Variants in ADAMTS10 observed in about 807,000 individuals in gnomAD.
ADAMTS10 encodes the protein A disintegrin and metalloproteinase with thrombospondin motifs 10.
ADAMTS10 carries 48 observed loss-of-function variants against 135.9 expected under a neutral mutation model. The ratio of observed to expected loss-of-function variants is 0.35; its 90% CI spans 0.28 to 0.45. The LOEUF is 0.45. ADAMTS10 is among the 20% of genes least tolerant of loss of function. ADAMTS10 has a pLI of 1.00. For missense variants in ADAMTS10, 1,131 were observed against 1,565.2 expected (o/e 0.72, Z 4.68); for synonymous variants, 621 against 647.5 (o/e 0.96, Z 0.62).
At chr19:8,587,088 G>A (rs1298063220) in intron 18 of ADAMTS10, among the ~76,000 whole-genome samples, 192 bp from the exon 19 acceptor site, 1 of 152,180 alleles carries the variant, frequency 6.6e-6, no homozygotes, top group Non-Finnish European at 1.5e-5. Flanking sequence ...CTGAGGCTCA[G>A]AGAAGCTAAG....
At chr19:8,606,288 C>T (rs1600122432) in intron 2 of ADAMTS10, among the ~76,000 whole-genome samples, 1 of 152,286 alleles carries the variant, frequency 6.6e-6, no homozygotes, top group East Asian at 1.9e-4. Flanking sequence ...ATCTTGAACT[C>T]CTGGCCTCAA....
Position 8,597,312 on chromosome 19 carries a change from G to T in ADAMTS10, c.816C>A (p.Ala272=), listed in dbSNP as rs1381243151. 6 of 1,613,780 alleles carry T rather than the reference G, an allele frequency of 3.7e-6. No homozygotes were observed. The highest frequency in any genetic ancestry group is 5.1e-6 in the Non-Finnish European group (6 of 1,179,912). The change falls in exon 7 of 26, where the codon GCC becomes GCA. Residue 272 remains alanine, a synonymous_variant. Coordinates refer to ENST00000597188, the MANE Select transcript of ADAMTS10 (RefSeq NM_030957.4). ...QYVLAIMNIV[A]KLFQDSSLGS... ...CCAGACTCGAGTCCTGGAAAAGTTT[G>T]GCAACCTGACCTCCAAGAAACAAGA...
intron 18 of ADAMTS10, among the ~76,000 whole-genome samples, chr19:8,587,333 C>CTTTTTTTTTTTTTTT (rs559435857): frequency 3.9e-5 from 3 of 77,452 alleles, no homozygotes; most frequent in African/African-American, 5.2e-5. Context: ...ACTAAAAAAC[C>CTTTTTTTTTTTTTTT]TTTTTTTTTT....
Position 8,586,862 on chromosome 19 carries a change from G to C in ADAMTS10, c.2193C>G (p.Ser731=), listed in dbSNP as rs148379435. 1 of 1,614,074 alleles carries C rather than the reference G, an allele frequency of 6.2e-7. No homozygotes were observed. Among genetic ancestry groups the C allele is most frequent in the Non-Finnish European group, 8.5e-7 (1 of 1,180,054 alleles). The change falls in exon 19 of 26, where the codon TCC becomes TCG. Residue 731 remains serine, a synonymous_variant. Transcript: ENST00000597188. ...YEDVVWIPKG[S]VHIFIQDLNL... is the part of the protein sequence containing the mutation. ...TCAGATCCTGGATGAAGATGTGGAC[G>C]GAGCCTTTGGGAATCCAGACGACAT...
chr19:8,586,545 G>T lies in ADAMTS10; in HGVS notation c.2403+13C>A, dbSNP rs997363428. 6.2e-7 allele frequency: 1 copy of T among 1,613,332 alleles called. No homozygotes were observed. Among genetic ancestry groups the T allele is most frequent in the East Asian group, 2.2e-5 (1 of 44,880 alleles). ...TTCCAAAGGCTGCACCTTGCCCCCA[G>T]TCTCCCTGTTACCATGACGATGAGA... On this transcript the variant is annotated intron_variant, in intron 20 of 25. Coordinates refer to ENST00000597188, the MANE Select transcript of ADAMTS10 (RefSeq NM_030957.4).
At chr19:8,595,571 C>T in intron 12 of ADAMTS10, 191 bp downstream of exon 12, 1 of 851,992 alleles carries the variant, frequency 1.2e-6, no homozygotes, top group Non-Finnish European at 1.8e-6. Flanking sequence ...CAAGCACTGT[C>T]TGATTGCTTA....
intron 25 of ADAMTS10, among the ~76,000 whole-genome samples, chr19:8,584,017 T>A (rs1374973290): frequency 6.7e-6 from 1 of 148,748 alleles, no homozygotes; most frequent in Non-Finnish European, 1.5e-5. Flanking sequence ...ATTAGCTGGG[T>A]GTGGTGGCGG....
chr19:8,605,549 T>A lies in ADAMTS10; in HGVS notation c.88+74A>T. The A allele has an allele frequency of 4.0e-6, 5 of 1,259,024 alleles. No homozygotes were observed. The highest frequency in any genetic ancestry group is 5.5e-6 in the Non-Finnish European group (5 of 912,642). 78.0% of individuals were successfully genotyped at this position (1,259,024 alleles called of 1,614,324 possible). The stretch of plus-strand genomic sequence containing the variant: ...ACCCCCATCCCAGCCCCCTGATGCC[T>A]CTTTCTGTTGGAGCCCAACTGGTCT... On this transcript the variant is annotated intron_variant, in intron 3 of 25. Coordinates refer to ENST00000597188, the MANE Select transcript of ADAMTS10 (RefSeq NM_030957.4). The surrounding 1 kb of genome is among the most constrained non-coding windows in gnomAD (Gnocchi z 7.7).
intron 13 of ADAMTS10, 51 bp from the exon 14 acceptor site, chr19:8,592,154 C>T (rs782147933): frequency 5.6e-6 from 9 of 1,612,656 alleles, no homozygotes; most frequent in Middle Eastern, 1.7e-4. Context: ...GGACACTCGT[C>T]GGCCCCATGC....
In ADAMTS10 at chr19:8,580,582, T is replaced by C. The variant is rs1045796093; in HGVS notation, c.*311A>G. 32 of 355,142 alleles carry C rather than the reference T, an allele frequency of 9.0e-5. No homozygotes were observed. The highest frequency in any genetic ancestry group is 1.3e-4 in the Non-Finnish European group (23 of 183,478). The allele number at this position is 355,142 out of a possible 1,614,324, so 22.0% of individuals were successfully genotyped here. A position where few individuals can be genotyped will look rare whatever the true frequency, so the allele number is the denominator to read the frequency against. On this transcript the variant is annotated 3_prime_UTR_variant, in exon 26 of 26. Transcript: ENST00000597188. ...TTCCGATCAAAGGAGGGGGGGAGTG[T>C]TGGGGACTCCCTAAGGGTGGGTTCA... is the stretch of plus-strand genomic sequence containing the variant.
intron 12 of ADAMTS10, 54 bp downstream of exon 12, chr19:8,595,702 TCCCCCA>T: frequency 5.6e-4 from 500 of 893,466 alleles, no homozygotes; most frequent in Non-Finnish European, 7.6e-4. Flanking sequence ...TGGAGTTCCC[TCCCCCA>T]GCCCCAGCGG....
intron 12 of ADAMTS10, 64 bp downstream of exon 12, chr19:8,595,698 T>TGCCACCCCC: frequency 7.7e-7 from 1 of 1,291,944 alleles, no homozygotes. Flanking sequence ...CTGGTGGAGT[T>TGCCACCCCC]CCCTCCCCCA....
chr19:8,596,721 G>A lies in ADAMTS10; in HGVS notation c.1041-136C>T, dbSNP rs2042609775. 1 of 1,154,356 alleles carries A rather than the reference G, an allele frequency of 8.7e-7. No individual in the cohort carries two copies. 71.5% of individuals were successfully genotyped at this position (1,154,356 alleles called of 1,614,324 possible). ...CTCTCACCTGAAGCTGCATACAGGA[G>A]TGACTGACCACATGAATGAATGAAT... On this transcript the variant is annotated intron_variant, in intron 8 of 25. Transcript: ENST00000597188. This position sits in a 1 kb window ranked among gnomAD's most constrained non-coding sequence, Gnocchi z 7.2.
intron 18 of ADAMTS10, 66 bp downstream of exon 18, chr19:8,589,176 G>A (rs2042481919): frequency 6.2e-7 from 1 of 1,606,652 alleles, no homozygotes; most frequent in East Asian, 2.2e-5. Context: ...ACTGCACTGG[G>A]ATCAGTTCCA....
At chr19:8,597,536 C>A (rs567909191) in intron 6 of ADAMTS10, among the ~76,000 whole-genome samples, 1 of 152,100 alleles carries the variant, frequency 6.6e-6, no homozygotes. Flanking sequence ...CTCAAGTGAT[C>A]CTCCTGCCTG....
chr19:8,594,166 CA>C (rs1489721220), intron 12 of ADAMTS10, among the ~76,000 whole-genome samples: 2 of 152,200 alleles, frequency 1.3e-5, no homozygotes, highest in Non-Finnish European at 2.9e-5. Flanking sequence ...CTCCTCTCCA[CA>C]AGGAGGCACT....
chr19:8,604,014 T>TG (rs1381630327), intron 4 of ADAMTS10, 130 bp from the exon 5 acceptor site: 3 of 921,114 alleles, frequency 3.3e-6, no homozygotes, highest in Non-Finnish European at 4.7e-6. Flanking sequence ...TTTTTTTTTT[T>TG]GGCATAGGTA....
At position 8,589,574 on chromosome 19, in the gene ADAMTS10, C is replaced by T; in HGVS notation, c.1912G>A (p.Ala638Thr). 1 of 1,613,392 alleles carries T rather than the reference C, an allele frequency of 6.2e-7. No individual in the cohort carries two copies. Among genetic ancestry groups the T allele is most frequent in the Non-Finnish European group, 8.5e-7 (1 of 1,179,956 alleles). The change falls in exon 17 of 26, where the codon GCC (alanine) becomes ACC (threonine). Residue 638 changes from alanine to threonine, a missense_variant. Physicochemically the swap from Ala to Thr is moderately conservative, Grantham distance 58. Transcript: ENST00000597188. ...TCCGCTAGGCACGTGAGCGAGCAGG[C>T]CTTCACGCCCCCTGGGGGGCACGGC... ...WKTYRGGGVK[A>T]CSLTCLAEGF...
At position 8,605,769 on chromosome 19, in the gene ADAMTS10, C is replaced by T. The variant is rs911342708; in HGVS notation, c.-59G>A. 6.4e-7 allele frequency: 1 copy of T among 1,552,252 alleles called. No homozygotes were observed. Among genetic ancestry groups the T allele is most frequent in the South Asian group, 1.2e-5 (1 of 85,268 alleles). On this transcript the variant is annotated 5_prime_UTR_variant, in exon 3 of 26. Coordinates refer to ENST00000597188, the MANE Select transcript of ADAMTS10 (RefSeq NM_030957.4). The surrounding 1 kb of genome is among the most constrained non-coding windows in gnomAD (Gnocchi z 7.7). ...CCGGCTGCCGGCAGCCCCCACAGTG[C>T]CGCCTCCCCTGTTCACAGCCTTCGC...
Sources: gnomAD v4.1 joint callset for allele counts (sites outside exome capture counted in the v4.1 genomes callset) on GRCh38, gnomAD v4.1.1 for gene constraint, Gnocchi (gnomAD v3.1) non-coding constraint, MANE v1.5 for transcripts, NCBI Gene and HGNC (gene_info 2026-07-23, HGNC 2026-07-21) for gene names.